The following DCAF8L2 variants were observed in gnomAD, a reference collection of about 807,000 sequenced individuals.
DCAF8L2 encodes the protein DDB1 and CUL4 associated factor 8 like 2, also known as DDB1- and CUL4-associated factor 8-like protein 2.
For missense variants in DCAF8L2, 430 were observed against 490.7 expected (o/e 0.88, Z 1.17); for synonymous variants, 200 against 190.9 (o/e 1.05, Z -0.39).
At chrX:27,687,245 G>A (rs943995915) in intron 3 of DCAF8L2, among the ~76,000 whole-genome samples, 1 of 112,182 alleles carries the variant, frequency 8.9e-6, no homozygotes, top group Non-Finnish European at 1.9e-5. Context: ...GAGGGAAAAT[G>A]ACTGTATAAA....
chrX:27,725,698 A>G (rs909072382), intron 4 of DCAF8L2, among the ~76,000 whole-genome samples: 21 of 105,151 alleles, frequency 2.0e-4, no homozygotes, highest in Non-Finnish European at 6.0e-5. Context: ...ATAGTGTTAC[A>G]AGTAGAATAA....
At chrX:27,477,669 C>G in the DCAF8L2 span, among the ~76,000 whole-genome samples, 1 of 111,405 alleles carries the variant, frequency 9.0e-6, no homozygotes, top group Admixed American at 9.6e-5. Flanking sequence ...ACCCAATGCT[C>G]TTTTAAACCC....
Position 27,727,166 on chromosome X carries a change from G to A in DCAF8L2, c.-59+10995G>A, listed in dbSNP as rs184805650. On this transcript the variant is annotated intron_variant, in intron 4 of 4. Transcript: ENST00000451261. ...AAACAGGTTGAGCATCTTTCCATAG[G>A]ATCATAAACTATTTTTATATTTTTA... 9.0e-5 allele frequency among the ~76,000 whole-genome samples: 10 copies of A among 111,429 alleles called. No homozygotes were observed. In the East Asian group the frequency reaches 1.4e-3, roughly 16 times the overall value.
intron 3 of DCAF8L2, among the ~76,000 whole-genome samples, chrX:27,715,462 C>T (rs951717515): frequency 9.1e-6 from 1 of 110,024 alleles, no homozygotes; most frequent in Non-Finnish European, 1.9e-5. Context: ...CACTTTAACT[C>T]AATGGTTAAG....
At chrX:27,582,232 T>C in the DCAF8L2 span, among the ~76,000 whole-genome samples, 17,625 of 111,264 alleles carry the variant, frequency 0.16, 1,124 homozygotes, top group East Asian at 0.35. Flanking sequence ...ATCTCTCATC[T>C]AGCTTTTCCT....
At chrX:27,509,776 C>A in the DCAF8L2 span, among the ~76,000 whole-genome samples, 1 of 110,522 alleles carries the variant, frequency 9.0e-6, no homozygotes, top group African/African-American at 3.3e-5. Context: ...CTTTAATTAC[C>A]GTTTTGAACA....
chrX:27,503,971 T>C, the DCAF8L2 span, among the ~76,000 whole-genome samples: 1 of 112,360 alleles, frequency 8.9e-6, no homozygotes, highest in African/African-American at 3.2e-5. Context: ...CATTCTCTTC[T>C]TTATTGTATT....
At chrX:27,638,682 A>G (rs777337159) in intron 2 of DCAF8L2, among the ~76,000 whole-genome samples, 6 of 111,952 alleles carry the variant, frequency 5.4e-5, no homozygotes, top group Non-Finnish European at 9.4e-5. Context: ...TCAGTTTTCA[A>G]TTCACAAGTG....
chrX:27,587,518 C>T (rs1925925590), upstream of DCAF8L2, among the ~76,000 whole-genome samples: 2 of 111,169 alleles, frequency 1.8e-5, no homozygotes, highest in South Asian at 3.7e-4. Flanking sequence ...TTATACATTA[C>T]GGAATATACA....
At chrX:27,604,204 G>T (rs1347515403) in intron 1 of DCAF8L2, among the ~76,000 whole-genome samples, 1 of 110,811 alleles carries the variant, frequency 9.0e-6, no homozygotes. Flanking sequence ...ATGGGACTTT[G>T]GGGGCCTGAT....
At chrX:27,554,689 C>T in the DCAF8L2 span, among the ~76,000 whole-genome samples, 1 of 111,651 alleles carries the variant, frequency 9.0e-6, no homozygotes, top group African/African-American at 3.3e-5. Context: ...ATTTGAAAAA[C>T]AGCTCCTCGT....
the DCAF8L2 span, among the ~76,000 whole-genome samples, chrX:27,497,121 A>C: frequency 9.0e-6 from 1 of 111,078 alleles, no homozygotes; most frequent in East Asian, 2.8e-4. Context: ...AATAGGGGAT[A>C]TCTATGATGA....
intron 4 of DCAF8L2, among the ~76,000 whole-genome samples, chrX:27,726,960 A>G (rs1260341991): frequency 8.9e-6 from 1 of 111,735 alleles, no homozygotes; most frequent in Non-Finnish European, 1.9e-5. Context: ...GGGGATCTGC[A>G]TATCTGCAAG....
intron 4 of DCAF8L2, among the ~76,000 whole-genome samples, chrX:27,745,026 T>C (rs1048956920): frequency 3.6e-5 from 4 of 112,241 alleles, no homozygotes; most frequent in Non-Finnish European, 5.6e-5. Context: ...ACAATTCCTT[T>C]ATGGGTATGT....
At chrX:27,713,179 C>T (rs1338917942) in intron 3 of DCAF8L2, among the ~76,000 whole-genome samples, 1 of 110,931 alleles carries the variant, frequency 9.0e-6, no homozygotes, top group African/African-American at 3.3e-5. Flanking sequence ...AGTCTGAGGA[C>T]TGAAAGGAGA....
At chrX:27,563,123 T>A in the DCAF8L2 span, among the ~76,000 whole-genome samples, 3 of 111,768 alleles carry the variant, frequency 2.7e-5, no homozygotes, top group South Asian at 1.1e-3. Context: ...GCTGCCTTTT[T>A]ATTATTCTCT....
At chrX:27,625,344 T>C (rs1304218253) in intron 1 of DCAF8L2, among the ~76,000 whole-genome samples, 1 of 111,561 alleles carries the variant, frequency 9.0e-6, no homozygotes, top group Non-Finnish European at 1.9e-5. Context: ...AGTCAAAAAA[T>C]AACAGATGCT....
At chrX:27,469,292 T>A in the DCAF8L2 span, among the ~76,000 whole-genome samples, 1 of 112,021 alleles carries the variant, frequency 8.9e-6, no homozygotes, top group South Asian at 3.7e-4. Flanking sequence ...TTCTTCTCTA[T>A]TTGAATAGAC....
chrX:27,640,911 C>T (rs1272181773), intron 2 of DCAF8L2, among the ~76,000 whole-genome samples: 1 of 111,140 alleles, frequency 9.0e-6, no homozygotes, highest in African/African-American at 3.3e-5. Flanking sequence ...TGAAATTTTA[C>T]TTTAGGGTTT....
Sources: allele counts gnomAD v4.1 joint callset (sites outside exome capture counted in the v4.1 genomes callset), GRCh38; gene constraint gnomAD v4.1.1; transcripts MANE v1.5; gene names NCBI Gene and HGNC (gene_info 2026-07-23, HGNC 2026-07-21).